Variants in TXNDC16 observed in about 807,000 individuals in gnomAD.
TXNDC16 encodes the protein thioredoxin domain containing 16, also known as thioredoxin domain-containing protein 16.
A neutral mutation model predicts 85.6 loss-of-function variants in TXNDC16; 74 were observed. The observed-to-expected ratio is 0.86, with a 90% confidence interval of 0.72 to 1.05. The LOEUF (loss-of-function observed/expected upper bound fraction) is 1.05, where lower values mean the gene tolerates loss of function less well. TXNDC16 is among the 50% of genes least tolerant of loss of function. The probability of loss-of-function intolerance (pLI) is 0.00; values close to 1 mark genes in which losing one functional copy is unlikely to be tolerated. For synonymous variants in TXNDC16, 335 were observed against 326.5 expected, an observed-to-expected ratio of 1.03 and a Z score of -0.28; for missense variants, 959 against 947.0, an observed-to-expected ratio of 1.01 and a Z score of -0.17.
intron 6 of TXNDC16, among the ~76,000 whole-genome samples, chr14:52,529,719 ATATATATTATATATAATGCCTAT>A (rs2037442623): frequency 8.5e-6 from 1 of 117,570 alleles, no homozygotes; most frequent in Admixed American, 1.0e-4. Flanking sequence ...AATGCCTATT[ATATATATTATATATAATGCCTAT>A]TATATATTAT....
rs763520883 is a variant in TXNDC16, at chr14:52,542,356, T to A, written c.243+15A>T. ...GTTCGTCACTAATATTTTAGTAACA[T>A]AAATATCTTTCTACCTTGGCAACTG... On this transcript the variant is annotated intron_variant, in intron 4 of 20. Transcript: ENST00000281741. The A allele has an allele frequency of 9.6e-6, 15 of 1,567,880 alleles. No homozygotes were observed. Among genetic ancestry groups the A allele is most frequent in the Non-Finnish European group, 1.2e-5 (14 of 1,146,082 alleles).
chr14:52,524,056 C>A (rs1175960405), intron 6 of TXNDC16, among the ~76,000 whole-genome samples: 1 of 152,196 alleles, frequency 6.6e-6, no homozygotes. Flanking sequence ...CGAACAGGAA[C>A]CCACCTGACA....
chr14:52,519,733 T>A (rs117746603), intron 6 of TXNDC16, among the ~76,000 whole-genome samples: 2,900 of 152,318 alleles, frequency 0.019, 35 homozygotes, highest in Non-Finnish European at 0.028. Flanking sequence ...GTTTACAACA[T>A]TCTAGGCAAA....
At chr14:52,469,827 T>C (rs567337246) in intron 16 of TXNDC16, among the ~76,000 whole-genome samples, 1 of 152,272 alleles carries the variant, frequency 6.6e-6, no homozygotes, top group African/African-American at 2.4e-5. Context: ...TACATAAATA[T>C]GCAATCTGTA....
chr14:52,494,696 T>C (rs1034314202), intron 9 of TXNDC16, among the ~76,000 whole-genome samples: 2 of 152,198 alleles, frequency 1.3e-5, no homozygotes, highest in Non-Finnish European at 2.9e-5. Context: ...CTTTATTGTG[T>C]AAGTAAAGTG....
chr14:52,522,096 T>C (rs2140196663), intron 6 of TXNDC16, among the ~76,000 whole-genome samples: 1 of 152,352 alleles, frequency 6.6e-6, no homozygotes, highest in East Asian at 1.9e-4. Flanking sequence ...TTCAAAACAG[T>C]TGGGAGGTAC....
intron 18 of TXNDC16, among the ~76,000 whole-genome samples, chr14:52,446,422 T>A (rs1322980163): frequency 6.6e-6 from 1 of 152,134 alleles, no homozygotes; most frequent in East Asian, 1.9e-4. Flanking sequence ...AGTCAGAACT[T>A]GAATTACAGC....
At chr14:52,507,825 T>C (rs2036849040) in intron 9 of TXNDC16, among the ~76,000 whole-genome samples, 1 of 152,262 alleles carries the variant, frequency 6.6e-6, no homozygotes, top group Non-Finnish European at 1.5e-5. Context: ...AAGGATTCCC[T>C]ATTTAATAAA....
intron 18 of TXNDC16, among the ~76,000 whole-genome samples, chr14:52,453,375 G>A (rs1391851096): frequency 1.3e-5 from 2 of 152,108 alleles, no homozygotes; most frequent in Admixed American, 6.6e-5. Context: ...ATCTGCACTC[G>A]CAGATTTATT....
At chr14:52,521,561 T>C (rs1428843037) in intron 6 of TXNDC16, among the ~76,000 whole-genome samples, 1 of 152,136 alleles carries the variant, frequency 6.6e-6, no homozygotes, top group Non-Finnish European at 1.5e-5. Context: ...GGAATGAAAG[T>C]GAAAAAGCCA....
At chr14:52,465,847 A>C (rs892800752) in intron 16 of TXNDC16, among the ~76,000 whole-genome samples, 1 of 152,206 alleles carries the variant, frequency 6.6e-6, no homozygotes, top group Non-Finnish European at 1.5e-5. Context: ...ATCAAAGTAA[A>C]AATAATTGTT....
intron 6 of TXNDC16, among the ~76,000 whole-genome samples, chr14:52,523,652 A>G (rs2037263058): frequency 6.6e-6 from 1 of 152,184 alleles, no homozygotes; most frequent in Admixed American, 6.5e-5. Context: ...AAAACAAACC[A>G]AACAGGTAGA....
intron 8 of TXNDC16, among the ~76,000 whole-genome samples, chr14:52,512,432 T>TC (rs2036977727): frequency 6.6e-6 from 1 of 151,314 alleles, no homozygotes; most frequent in Non-Finnish European, 1.5e-5. Context: ...GGGAGAGAAT[T>TC]CCCCCTCCAA....
chr14:52,464,812 T>C (rs917185263), intron 16 of TXNDC16, among the ~76,000 whole-genome samples: 1 of 151,960 alleles, frequency 6.6e-6, no homozygotes, highest in Non-Finnish European at 1.5e-5. Context: ...GCATGGCACA[T>C]GTCTGTGGTC....
intron 6 of TXNDC16, among the ~76,000 whole-genome samples, chr14:52,527,319 G>T (rs186681877): frequency 6.6e-6 from 1 of 152,310 alleles, no homozygotes; most frequent in East Asian, 1.9e-4. Flanking sequence ...TGTCAGAATT[G>T]AATAAGAGGA....
intron 18 of TXNDC16, among the ~76,000 whole-genome samples, chr14:52,448,291 A>C (rs1377221975): frequency 2.0e-5 from 3 of 152,096 alleles, no homozygotes. Context: ...TCCTAAAAGC[A>C]AGAGAAAAGA....
At chr14:52,506,229 C>T (rs1006069798) in intron 9 of TXNDC16, among the ~76,000 whole-genome samples, 12 of 152,144 alleles carry the variant, frequency 7.9e-5, no homozygotes, top group African/African-American at 2.7e-4. Flanking sequence ...TTTTATGAGG[C>T]CAGCATCATC....
chr14:52,434,154 A>G (rs1341485049), intron 20 of TXNDC16, among the ~76,000 whole-genome samples: 1 of 152,246 alleles, frequency 6.6e-6, no homozygotes, highest in African/African-American at 2.4e-5. Flanking sequence ...ACACCACTGC[A>G]CTCAAACCTG....
At chr14:52,473,767 C>A (rs1480075152) in intron 14 of TXNDC16, among the ~76,000 whole-genome samples, 1 of 152,172 alleles carries the variant, frequency 6.6e-6, no homozygotes, top group South Asian at 2.1e-4. Context: ...AAAATTTTGA[C>A]ATTTGCTGCC....
Sources: gnomAD v4.1 joint callset for allele counts (sites outside exome capture counted in the v4.1 genomes callset) on GRCh38, gnomAD v4.1.1 for gene constraint, MANE v1.5 for transcripts, NCBI Gene and HGNC (gene_info 2026-07-23, HGNC 2026-07-21) for gene names.